GABRB1: variants seen among roughly 807,000 people sequenced by gnomAD.
GABRB1 encodes gamma-aminobutyric acid receptor subunit beta-1.
GABRB1 carries 17 observed loss-of-function variants against 51.6 expected under a neutral mutation model. The observed-to-expected ratio is 0.33, with a 90% CI of 0.23 to 0.49. The LOEUF (loss-of-function observed/expected upper bound fraction) is 0.49. GABRB1 is among the 20% of genes least tolerant of loss of function. GABRB1 has a pLI of 0.99. For synonymous variants in GABRB1, 247 were observed against 218.9 expected (o/e 1.13, Z -1.14); for missense variants, 410 against 600.6 (o/e 0.68, Z 3.32).
At chr4:47,149,214 G>T (rs973850640) in intron 3 of GABRB1, among the ~76,000 whole-genome samples, 4 of 151,938 alleles carry the variant, frequency 2.6e-5, no homozygotes, top group African/African-American at 9.7e-5. Flanking sequence ...GAAACAGACA[G>T]AAATTATTAT....
chr4:47,207,840 T>TATAA, intron 4 of GABRB1, among the ~76,000 whole-genome samples: 1 of 152,176 alleles, frequency 6.6e-6, no homozygotes, highest in African/African-American at 2.4e-5. Context: ...AGGCATAGCA[T>TATAA]ATATTTGATC....
intron 4 of GABRB1, among the ~76,000 whole-genome samples, chr4:47,267,497 GA>G (rs931494262): frequency 6.4e-4 from 94 of 146,608 alleles, no homozygotes; most frequent in East Asian, 1.8e-3. Context: ...TAGAGAATAA[GA>G]AAAAAAAAAA....
intron 5 of GABRB1, among the ~76,000 whole-genome samples, chr4:47,367,489 G>A (rs1195167886): frequency 6.6e-6 from 1 of 152,152 alleles, no homozygotes; most frequent in East Asian, 1.9e-4. Flanking sequence ...TCTCTTATCT[G>A]CTTGTAGAGA....
chr4:47,245,420 G>A (rs548064617), intron 4 of GABRB1, among the ~76,000 whole-genome samples: 3 of 152,188 alleles, frequency 2.0e-5, no homozygotes, highest in East Asian at 1.9e-4. Context: ...TATTCATCAC[G>A]TAAAATAGTC....
chr4:47,190,202 T>C (rs1346960897), intron 4 of GABRB1, among the ~76,000 whole-genome samples: 1 of 152,132 alleles, frequency 6.6e-6, no homozygotes, highest in Non-Finnish European at 1.5e-5. Flanking sequence ...AAAATGCAGC[T>C]AAAGCCATCA....
At chr4:47,297,826 T>A (rs1292797577) in intron 4 of GABRB1, among the ~76,000 whole-genome samples, 1 of 152,140 alleles carries the variant, frequency 6.6e-6, no homozygotes, top group Non-Finnish European at 1.5e-5. Context: ...TTTAGACCAA[T>A]ATCCTTGATG....
At chr4:47,030,383 C>T (rs1458558903), upstream of GABRB1, among the ~76,000 whole-genome samples, 1 of 151,696 alleles carries the variant, frequency 6.6e-6, no homozygotes, top group Non-Finnish European at 1.5e-5. Context: ...GAGACACTTC[C>T]ATCCTAGTTA....
At chr4:47,220,920 T>G (rs1720743977) in intron 4 of GABRB1, among the ~76,000 whole-genome samples, 1 of 152,000 alleles carries the variant, frequency 6.6e-6, no homozygotes, top group South Asian at 2.1e-4. Flanking sequence ...AGCTTAGATC[T>G]CAAATCATCA....
At chr4:47,193,780 A>G (rs1719540780) in intron 4 of GABRB1, among the ~76,000 whole-genome samples, 1 of 152,224 alleles carries the variant, frequency 6.6e-6, no homozygotes, top group Non-Finnish European at 1.5e-5. Context: ...ATATTTGTGT[A>G]ATGGATTTAA....
At chr4:47,349,493 C>T (rs1375229868) in intron 5 of GABRB1, among the ~76,000 whole-genome samples, 1 of 152,118 alleles carries the variant, frequency 6.6e-6, no homozygotes, top group Non-Finnish European at 1.5e-5. Flanking sequence ...ATGAAAAATT[C>T]CAAAAGTAAA....
rs75282254 is a variant in GABRB1 at position 47,020,560 on chromosome 4, C to T, written c.-19-11354C>T. On this transcript the variant is annotated intron_variant, in intron 1 of 3. Transcript: ENST00000513567. ...CCATCTCAGAGAATGGCAACCCTTCCATTTACTCAGCTCGAAGATATCGGA... is the reference window on the plus strand; with the variant it reads ...CCATCTCAGAGAATGGCAACCCTTCTATTTACTCAGCTCGAAGATATCGGA... Among the ~76,000 whole-genome samples the T allele has an allele frequency of 4.9e-4, 74 of 152,280 alleles. No individual in the cohort carries two copies. In the East Asian group the frequency reaches 0.014, roughly 28 times the overall value.
At chr4:47,257,063 G>A in intron 4 of GABRB1, among the ~76,000 whole-genome samples, 1 of 152,132 alleles carries the variant, frequency 6.6e-6, no homozygotes, top group East Asian at 1.9e-4. Flanking sequence ...TGAGCTGTGT[G>A]GAAGGCTTCC....
intron 4 of GABRB1, among the ~76,000 whole-genome samples, chr4:47,169,602 A>C (rs1222226922): frequency 6.6e-6 from 1 of 152,060 alleles, no homozygotes; most frequent in Admixed American, 6.6e-5. Flanking sequence ...CCCAGGTTCA[A>C]GCGATTCTCC....
intron 3 of GABRB1, among the ~76,000 whole-genome samples, chr4:47,056,159 T>C (rs962484599): frequency 2.6e-5 from 4 of 152,282 alleles, no homozygotes; most frequent in African/African-American, 9.6e-5. Flanking sequence ...CTGCCCTCAT[T>C]GAAAAATAGA....
At chr4:47,274,481 G>A (rs1404726662) in intron 4 of GABRB1, among the ~76,000 whole-genome samples, 1 of 151,952 alleles carries the variant, frequency 6.6e-6, no homozygotes, top group Non-Finnish European at 1.5e-5. Flanking sequence ...ATGTAGAAAG[G>A]GTTCTTTTCT....
At chr4:47,045,299 TA>T (rs748145566) in intron 3 of GABRB1, among the ~76,000 whole-genome samples, 121 of 152,218 alleles carry the variant, frequency 7.9e-4, no homozygotes, top group African/African-American at 2.7e-3. Flanking sequence ...AATTTCTCTT[TA>T]AAATGGAAAT....
chr4:46,996,480 G>A (rs1171438681), intron 1 of GABRB1, among the ~76,000 whole-genome samples: 1 of 152,114 alleles, frequency 6.6e-6, no homozygotes, highest in Non-Finnish European at 1.5e-5. Context: ...CCTATGAAAT[G>A]CCCTGGAAAT....
intron 4 of GABRB1, among the ~76,000 whole-genome samples, chr4:47,206,047 TCA>T (rs1034139555): frequency 1.3e-5 from 2 of 148,336 alleles, no homozygotes; most frequent in African/African-American, 5.1e-5. Flanking sequence ...AGCCATAGGT[TCA>T]CAGGATTAAA....
intron 8 of GABRB1, among the ~76,000 whole-genome samples, chr4:47,417,814 T>G (rs535654674): frequency 6.6e-6 from 1 of 152,320 alleles, no homozygotes; most frequent in African/African-American, 2.4e-5. Context: ...AGCCCAGAGG[T>G]GTTCCTCGAC....
Sources: gnomAD v4.1 joint callset for allele counts (sites outside exome capture counted in the v4.1 genomes callset) on GRCh38, gnomAD v4.1.1 for gene constraint, MANE v1.5 for transcripts, NCBI Gene and HGNC (gene_info 2026-07-23, HGNC 2026-07-21) for gene names.